MYH1: variants seen among roughly 807,000 people sequenced by gnomAD.
MYH1 encodes myosin heavy chain 1.
In MYH1, 214 loss-of-function variants were observed where a neutral mutation model predicts 225.6. The observed-to-expected ratio is 0.95, with a 90% CI of 0.85 to 1.06. The LOEUF (loss-of-function observed/expected upper bound fraction) is 1.06, where lower values mean the gene tolerates loss of function less well. Among genes scored for constraint, MYH1 ranks in the 50% least tolerant of loss-of-function variants. The pLI, the probability that MYH1 is intolerant of heterozygous loss-of-function variation, is 0.00. For synonymous variants in MYH1, 774 were observed against 842.3 expected (o/e 0.92, Z 1.40); for missense variants, 2,098 against 2,344.2 (o/e 0.89, Z 2.17).
chr17:10,505,406 A>C lies in MYH1; in HGVS notation c.2280T>G (p.Tyr760Ter). ...ATATTACCTTGGTGTGACCAAATTT[A>C]TACTGGGTGTGGTCAATGTCAATGG... The part of the protein sequence containing the change: ...LGSIDIDHTQ[Y>*]KFGHTKVFFK... The change falls in exon 20 of 40, where the codon TAT becomes TAG. Residue 760 changes from tyrosine to a stop codon, truncating the protein, a stop_gained. Coordinates refer to ENST00000226207, the MANE Select transcript of MYH1 (RefSeq NM_005963.4). LOFTEE classifies it high-confidence loss of function. The C allele has an allele frequency of 6.2e-7, 1 of 1,614,258 alleles. No homozygotes were observed. The highest frequency in any genetic ancestry group is 2.2e-5 in the East Asian group (1 of 44,884).
rs146890530 is a variant in MYH1, at chr17:10,496,343, C to G, written c.4863G>C (p.Lys1621Asn). The change falls in exon 34 of 40, where the codon AAG becomes AAC. Residue 1621 changes from lysine (K) to asparagine (N), a missense_variant. Lys to Asn is a moderately conservative substitution (Grantham distance 94). Coordinates refer to ENST00000226207, the MANE Select transcript of MYH1 (RefSeq NM_005963.4). ...CCATTTCATTGAGGTCTCCCTCCAT[C>G]TTCTTCTTGAGCCTAATGGCATCAT... ...SRNDAIRLKK[K>N]MEGDLNEMEI... 6.2e-7 allele frequency: 1 copy of G among 1,614,076 alleles called. No homozygotes were observed.
chr17:10,498,361 T>G (rs528045046), intron 30 of MYH1, among the ~76,000 whole-genome samples: 80 of 152,368 alleles, frequency 5.3e-4, no homozygotes, highest in Non-Finnish European at 1.0e-3. Flanking sequence ...TGAATTCAAA[T>G]GAAATATACT....
In MYH1 at chr17:10,492,375, T is replaced by C. The variant is rs763396761; in HGVS notation, c.*41A>G. On this transcript the variant is annotated 3_prime_UTR_variant, in exon 40 of 40. Transcript: ENST00000226207. ...AAATGGAGTGACAAAGATTTTCACA[T>C]TTTGTGCATTTCTTTGGTCACCTTT... 3.7e-6 allele frequency: 6 copies of C among 1,601,426 alleles called. No individual in the cohort carries two copies. The highest frequency in any genetic ancestry group is 5.1e-6 in the Non-Finnish European group (6 of 1,175,074).
chr17:10,502,450 G>A (rs1401682808), intron 24 of MYH1, among the ~76,000 whole-genome samples: 1 of 152,150 alleles, frequency 6.6e-6, no homozygotes, highest in Non-Finnish European at 1.5e-5. Flanking sequence ...TTCAAGCCCA[G>A]CGAAAGACCT....
chr17:10,499,016 T>C lies in MYH1; in HGVS notation c.3942A>G (p.Gln1314=). ...QLSRGKQAFT[Q]QIEELKRQLE... is the part of the protein sequence containing the mutation. Reference sequence around the variant, plus strand: ...GTTGCCTTTTCAGTTCCTCAATCTGTTGTGTAAAGGCTTGTTTGCCCCTCG... The same window carrying C: ...GTTGCCTTTTCAGTTCCTCAATCTGCTGTGTAAAGGCTTGTTTGCCCCTCG... Residue 1314 remains glutamine, a synonymous_variant, in exon 29 of 40, where the codon CAA becomes CAG. Transcript: ENST00000226207. 2 of 1,614,174 alleles carry C rather than the reference T, an allele frequency of 1.2e-6. No individual in the cohort carries two copies. The highest frequency in any genetic ancestry group is 2.2e-5 in the South Asian group (2 of 91,080).
At chr17:10,518,348 A>G (rs761317960) in intron 1 of MYH1, 78 bp from the exon 2 acceptor site, 1 of 152,260 alleles carries the variant, frequency 6.6e-6, no homozygotes, top group Non-Finnish European at 1.5e-5. Context: ...ACTGAGAACC[A>G]GGAAATGACT....
At chr17:10,498,530 G>A in intron 30 of MYH1, 96 bp downstream of exon 30, 1 of 1,520,276 alleles carries the variant, frequency 6.6e-7, no homozygotes, top group Non-Finnish European at 9.0e-7. Flanking sequence ...CAACAATATG[G>A]CTGTATATGG....
Position 10,505,925 on chromosome 17 carries a change from G to A in MYH1, c.2061C>T (p.Ala687=). 2 of 1,614,138 alleles carry A rather than the reference G, an allele frequency of 1.2e-6. No individual in the cohort carries two copies. The highest frequency in any genetic ancestry group is 2.2e-5 in the South Asian group (2 of 91,084). The part of the protein sequence containing the change: ...IIPNETKTPG[A]MEHELVLHQL... ...GATGCAGGACAAGCTCATGCTCCAT[G>A]GCACCTAAAAGAATGAATCCACATG... Residue 687 remains alanine (A), a synonymous_variant, in exon 19 of 40, where the codon GCC becomes GCT. Transcript: ENST00000226207.
intron 28 of MYH1, 126 bp downstream of exon 28, chr17:10,500,500 T>A: frequency 7.2e-7 from 1 of 1,396,358 alleles, no homozygotes; most frequent in East Asian, 2.3e-5. Context: ...AATAATGTGT[T>A]CATATTAGTG....
At position 10,494,578 on chromosome 17, in the gene MYH1, G is replaced by T; in HGVS notation, c.5562C>A (p.Leu1854=). The T allele has an allele frequency of 6.2e-7, 1 of 1,613,930 alleles. No individual in the cohort carries two copies. The highest frequency in any genetic ancestry group is 8.5e-7 in the Non-Finnish European group (1 of 1,179,982). ...AGGCCATTTTCCTTACTTGGTAAGT[G>T]AGTTCCTTCACTTTTCTCTCATGTT... ...LRKHERKVKE[L]TYQTEEDRKN... is the part of the protein sequence containing the mutation. The change falls in exon 38 of 40, where the codon CTC becomes CTA. Residue 1854 remains leucine (L), a synonymous_variant. Coordinates refer to ENST00000226207, the MANE Select transcript of MYH1 (RefSeq NM_005963.4).
In MYH1 at chr17:10,516,283, G is replaced by C; in HGVS notation, c.264C>G (p.Ile88Met). Residue 88 changes from isoleucine to methionine, a missense_variant, in exon 4 of 40, where the codon ATC (isoleucine) becomes ATG (methionine). Transcript: ENST00000226207. The part of the protein sequence containing the change: ...FPMNPPKYDK[I>M]EDMAMMTHLH... ...GATGAGTCATCATGGCCATGTCCTC[G>C]ATCTTGTCATATTTGGGAGGGTTCA... is the stretch of plus-strand genomic sequence containing the variant. The C allele has an allele frequency of 6.2e-7, 1 of 1,613,866 alleles. No homozygotes were observed. The highest frequency in any genetic ancestry group is 8.5e-7 in the Non-Finnish European group (1 of 1,179,928).
chr17:10,506,649 C>T (rs1025630436), intron 17 of MYH1, among the ~76,000 whole-genome samples: 2 of 151,908 alleles, frequency 1.3e-5, no homozygotes, highest in African/African-American at 2.4e-5. Flanking sequence ...CATGCCACCA[C>T]CCCCAGCTAA....
At chr17:10,513,778 C>A (rs1255734718) in intron 8 of MYH1, 43 bp downstream of exon 8, 1 of 1,613,476 alleles carries the variant, frequency 6.2e-7, no homozygotes, top group African/African-American at 1.3e-5. Flanking sequence ...CTTTCTCTGG[C>A]ATCTAAAGGC....
At chr17:10,498,529 G>C in intron 30 of MYH1, 97 bp downstream of exon 30, 1 of 1,511,794 alleles carries the variant, frequency 6.6e-7, no homozygotes. Flanking sequence ...CCAACAATAT[G>C]GCTGTATATG....
At chr17:10,503,334 A>G in intron 22 of MYH1, 86 bp from the exon 23 acceptor site, 3 of 1,535,328 alleles carry the variant, frequency 2.0e-6, no homozygotes, top group Non-Finnish European at 2.6e-6. Flanking sequence ...CCAAACAAGT[A>G]AATTGTTTTA....
At position 10,512,522 on chromosome 17, in the gene MYH1, TA is replaced by T; in HGVS notation, c.1032del (p.Phe344LeufsTer16). The part of the protein sequence containing the change: ...ATDSAIEILG[F>X]TSDERVSIYK... ...TAGATGGACACTCTTTCATCTGAAG[TA>T]AAGCCCAGAATTTCAATGGCACTCT... On this transcript the variant is annotated frameshift_variant, in exon 12 of 40. Transcript: ENST00000226207. LOFTEE classifies it high-confidence loss of function. 6.2e-7 allele frequency: 1 copy of T among 1,614,100 alleles called. No homozygotes were observed. The highest frequency in any genetic ancestry group is 8.5e-7 in the Non-Finnish European group (1 of 1,179,992).
intron 33 of MYH1, 92 bp downstream of exon 33, chr17:10,496,977 T>C: frequency 2.6e-6 from 4 of 1,517,208 alleles, no homozygotes; most frequent in Non-Finnish European, 3.5e-6. Flanking sequence ...GAGCAAAAAT[T>C]ATTTTTCGTT....
At chr17:10,513,066 G>A in intron 9 of MYH1, 101 bp from the exon 10 acceptor site, 2 of 746,062 alleles carry the variant, frequency 2.7e-6, no homozygotes, top group South Asian at 3.6e-5. Flanking sequence ...CTGGCCTCTT[G>A]AGATTTCAAC....
intron 39 of MYH1, 140 bp from the exon 40 acceptor site, chr17:10,492,708 A>G: frequency 1.0e-6 from 1 of 985,170 alleles, no homozygotes. Context: ...ATGCTCTTGA[A>G]TTTTTATTTT....
Sources: gnomAD v4.1 joint callset for allele counts (sites outside exome capture counted in the v4.1 genomes callset) on GRCh38, gnomAD v4.1.1 for gene constraint, MANE v1.5 for transcripts, NCBI Gene and HGNC (gene_info 2026-07-23, HGNC 2026-07-21) for gene names.